Variants in CFAP299 observed in about 807,000 individuals in gnomAD.
The protein encoded by CFAP299 is cilia- and flagella-associated protein 299.
A neutral mutation model predicts 27.0 loss-of-function variants in CFAP299; 21 were observed. The observed-to-expected ratio is 0.78, with a 90% CI of 0.55 to 1.12. CFAP299 has a LOEUF of 1.12. Ranked by LOEUF, CFAP299 falls within the 50% of genes most tolerant of loss-of-function variation. The pLI, the probability that CFAP299 is intolerant of heterozygous loss-of-function variation, is 0.00. For synonymous variants in CFAP299, 104 were observed against 98.1 expected, an observed-to-expected ratio of 1.06 and a Z score of -0.36; for missense variants, 310 against 276.6, an observed-to-expected ratio of 1.12 and a Z score of -0.86.
intron 3 of CFAP299, among the ~76,000 whole-genome samples, chr4:80,658,317 A>G (rs1740668480): frequency 6.6e-6 from 1 of 152,096 alleles, no homozygotes. Flanking sequence ...GCTGTTTTTC[A>G]AAGGGAATGC....
At chr4:80,746,018 G>T (rs907083295) in intron 3 of CFAP299, among the ~76,000 whole-genome samples, 7 of 151,910 alleles carry the variant, frequency 4.6e-5, no homozygotes, top group African/African-American at 1.5e-4. Context: ...GTCCCTTCTG[G>T]GTTCAGGTGA....
chr4:80,631,859 G>GCCCTCC (rs1739223025), intron 3 of CFAP299, among the ~76,000 whole-genome samples: 1 of 21,470 alleles, frequency 4.7e-5, no homozygotes. Context: ...GAATATTTGT[G>GCCCTCC]CCCCACCCCC....
chr4:80,829,603 A>G (rs986640048), intron 3 of CFAP299, among the ~76,000 whole-genome samples: 3 of 152,100 alleles, frequency 2.0e-5, no homozygotes, highest in African/African-American at 7.2e-5. Context: ...TGAAGTCAAC[A>G]TATTGAAGGG....
intron 1 of CFAP299, among the ~76,000 whole-genome samples, chr4:80,348,805 C>T (rs1454956828): frequency 6.6e-6 from 1 of 152,172 alleles, no homozygotes; most frequent in Non-Finnish European, 1.5e-5. Flanking sequence ...ACTAATATAG[C>T]AGCAAACACA....
intron 3 of CFAP299, among the ~76,000 whole-genome samples, chr4:80,792,964 T>C (rs1727654056): frequency 6.6e-6 from 1 of 152,136 alleles, no homozygotes; most frequent in Non-Finnish European, 1.5e-5. Flanking sequence ...CATCTATTTC[T>C]TGTGCAACAA....
chr4:80,852,773 A>G (rs896085947), intron 3 of CFAP299, among the ~76,000 whole-genome samples: 7 of 152,272 alleles, frequency 4.6e-5, no homozygotes, highest in Middle Eastern at 3.4e-3. Context: ...TCTTGATGAC[A>G]TCACAAGTGT....
At chr4:80,451,492 T>C (rs1179966941) in intron 2 of CFAP299, among the ~76,000 whole-genome samples, 1 of 152,240 alleles carries the variant, frequency 6.6e-6, no homozygotes, top group Non-Finnish European at 1.5e-5. Context: ...TATTAAAAAT[T>C]AATTGAGCTT....
intron 2 of CFAP299, among the ~76,000 whole-genome samples, chr4:80,452,804 C>T (rs1016097342): frequency 5.9e-5 from 9 of 152,086 alleles, no homozygotes; most frequent in South Asian, 2.1e-4. Context: ...AACATCCGTC[C>T]GCATTGATGT....
At chr4:80,633,134 A>T (rs1739297463) in intron 3 of CFAP299, among the ~76,000 whole-genome samples, 1 of 152,156 alleles carries the variant, frequency 6.6e-6, no homozygotes, top group Admixed American at 6.5e-5. Flanking sequence ...ATAAATTAGT[A>T]CCCTCCTCTT....
At chr4:80,593,803 TTCTTC>T in intron 3 of CFAP299, among the ~76,000 whole-genome samples, 1 of 152,322 alleles carries the variant, frequency 6.6e-6, no homozygotes, top group Non-Finnish European at 1.5e-5. Context: ...TTTGAGACTT[TTCTTC>T]TCTTCTAACA....
chr4:80,449,844 TA>T (rs1728813777), intron 2 of CFAP299, among the ~76,000 whole-genome samples: 1 of 151,980 alleles, frequency 6.6e-6, no homozygotes, highest in Admixed American at 6.6e-5. Context: ...ATTTAATATT[TA>T]TAAATATTAT....
At chr4:80,798,575 G>C (rs964914760) in intron 3 of CFAP299, among the ~76,000 whole-genome samples, 2 of 152,056 alleles carry the variant, frequency 1.3e-5, no homozygotes, top group African/African-American at 4.8e-5. Flanking sequence ...TGCATGATTA[G>C]AGCTTGTGTC....
chr4:80,499,270 T>C (rs1731618430), intron 2 of CFAP299, among the ~76,000 whole-genome samples: 1 of 152,138 alleles, frequency 6.6e-6, no homozygotes, highest in Non-Finnish European at 1.5e-5. Flanking sequence ...AAAATAAATA[T>C]TTGTTTGAGG....
chr4:80,805,053 T>G (rs1010688187), intron 3 of CFAP299, among the ~76,000 whole-genome samples: 6 of 152,102 alleles, frequency 3.9e-5, no homozygotes, highest in Non-Finnish European at 7.4e-5. Context: ...TTCTTTGTGG[T>G]TATCATGGGC....
chr4:80,942,282 G>A (rs1448161272), intron 4 of CFAP299, among the ~76,000 whole-genome samples: 5 of 152,142 alleles, frequency 3.3e-5, no homozygotes, highest in African/African-American at 9.7e-5. Flanking sequence ...GGGACAAAGA[G>A]TACATGCGTT....
intron 3 of CFAP299, among the ~76,000 whole-genome samples, chr4:80,697,421 T>A (rs1721173644): frequency 6.6e-6 from 1 of 152,222 alleles, no homozygotes; most frequent in Non-Finnish European, 1.5e-5. Context: ...GCTACTCTTA[T>A]AACCCTATTG....
At chr4:80,769,583 G>A (rs557564045) in intron 3 of CFAP299, among the ~76,000 whole-genome samples, 1 of 152,168 alleles carries the variant, frequency 6.6e-6, no homozygotes, top group Middle Eastern at 3.4e-3. Context: ...TTCTAGAAAT[G>A]AGGTCTCACT....
intron 5 of CFAP299, among the ~76,000 whole-genome samples, chr4:80,961,752 T>A (rs1738353445): frequency 6.6e-6 from 1 of 151,920 alleles, no homozygotes; most frequent in Admixed American, 6.6e-5. Context: ...AGCATTGTAC[T>A]TTTTCCTGAT....
rs552636442 is a variant in CFAP299, at chr4:80,816,535, C to T, written c.334-53458C>T. ...GTCAGTGAAAACACATTTTAGTCCT[C>T]ATGCCAGCTATATTTCTCAGTGAAA... On this transcript the variant is annotated intron_variant, in intron 3 of 5. Transcript: ENST00000358105. Among the ~76,000 whole-genome samples the T allele has an allele frequency of 2.6e-5, 4 of 152,184 alleles. No homozygotes were observed. The South Asian group carries it at 8.3e-4, about 32-fold the overall frequency.
Sources: allele counts gnomAD v4.1 joint callset (sites outside exome capture counted in the v4.1 genomes callset), GRCh38; gene constraint gnomAD v4.1.1; transcripts MANE v1.5; gene names NCBI Gene and HGNC (gene_info 2026-07-23, HGNC 2026-07-21).